SMG9: variants seen among roughly 807,000 people sequenced by gnomAD.
SMG9 encodes the protein nonsense-mediated mRNA decay factor SMG9.
In SMG9, 55 loss-of-function variants were observed where a neutral mutation model predicts 64.0. The observed-to-expected ratio is 0.86, with a 90% confidence interval of 0.69 to 1.08. SMG9 has a LOEUF of 1.08. SMG9 is among the 50% of genes least tolerant of loss of function. SMG9 has a pLI of 0.00. For synonymous variants in SMG9, 244 were observed against 254.8 expected (o/e 0.96, Z 0.41); for missense variants, 554 against 681.3 (o/e 0.81, Z 2.08).
At chr19:43,740,782 G>C (rs1330741374) in intron 6 of SMG9, among the ~76,000 whole-genome samples, 1 of 152,082 alleles carries the variant, frequency 6.6e-6, no homozygotes. Flanking sequence ...CTTGTTCCCA[G>C]CATCTTCCCC....
In SMG9 at chr19:43,731,490, C is replaced by G; in HGVS notation, c.*106G>C. Reference sequence around the variant, plus strand: ...CGGGAAGCCACGATCCCTCATCCATCAGGCCTGCTGCCGCTCTCCACCCCA... The same window carrying G: ...CGGGAAGCCACGATCCCTCATCCATGAGGCCTGCTGCCGCTCTCCACCCCA... On this transcript the variant is annotated 3_prime_UTR_variant, in exon 14 of 14. Transcript: ENST00000270066. The G allele has an allele frequency of 1.3e-6, 2 of 1,552,306 alleles. No individual in the cohort carries two copies. Among genetic ancestry groups the G allele is most frequent in the African/African-American group, 1.4e-5 (1 of 73,466 alleles).
At chr19:43,754,309 C>T (rs1174538308) in intron 1 of SMG9, 1 of 152,196 alleles carries the variant, frequency 6.6e-6, no homozygotes, top group African/African-American at 2.4e-5. Context: ...AGAAGGGAGC[C>T]TCCCCCGGAT....
rs748830253 is a variant in SMG9, at chr19:43,729,678, G to C, written c.*1918C>G. 6.5e-6 allele frequency: 1 copy of C among 152,674 alleles called. No homozygotes were observed. Among genetic ancestry groups the C allele is most frequent in the East Asian group, 1.9e-4 (1 of 5,186 alleles). The allele number at this position is 152,674 out of a possible 1,614,324, so 9.5% of individuals were successfully genotyped here. On this transcript the variant is annotated 3_prime_UTR_variant, in exon 14 of 14. Coordinates refer to ENST00000270066, the MANE Select transcript of SMG9 (RefSeq NM_019108.4). ...GCAGGAAGACCCCCTGGGGAAGCAG[G>C]GGTGGGGATGAGACTTGGGGCAGAC...
At chr19:43,748,877 A>G (rs1284598923) in intron 2 of SMG9, 1 of 505,686 alleles carries the variant, frequency 2.0e-6, no homozygotes. Context: ...AAGTGCTTCG[A>G]AAAGAAGTTT....
At chr19:43,743,105 C>T (rs1295365660) in intron 6 of SMG9, among the ~76,000 whole-genome samples, 2 of 151,744 alleles carry the variant, frequency 1.3e-5, no homozygotes, top group Non-Finnish European at 2.9e-5. Flanking sequence ...AATTAGGAGG[C>T]AAAACCTAGA....
At chr19:43,751,044 C>T (rs1048694410) in intron 1 of SMG9, among the ~76,000 whole-genome samples, 1 of 151,772 alleles carries the variant, frequency 6.6e-6, no homozygotes, top group African/African-American at 2.4e-5. Flanking sequence ...AGGCTGGTCT[C>T]GAACTCCTGA....
At position 43,744,756 on chromosome 19, in the gene SMG9, T is replaced by C. The variant is rs1968948169; in HGVS notation, c.701+16A>G. The C allele has an allele frequency of 1.3e-6, 2 of 1,595,470 alleles. No individual in the cohort carries two copies. Among genetic ancestry groups the C allele is most frequent in the Non-Finnish European group, 1.7e-6 (2 of 1,165,346 alleles). Reference sequence around the variant, plus strand: ...GTGCCCACCTCCCTCCTGCACCCTATCTGATAGCCCCTCACCTCTGGTCCT... The same window carrying C: ...GTGCCCACCTCCCTCCTGCACCCTACCTGATAGCCCCTCACCTCTGGTCCT... On this transcript the variant is annotated intron_variant, in intron 6 of 13. Coordinates refer to ENST00000270066, the MANE Select transcript of SMG9 (RefSeq NM_019108.4).
chr19:43,732,889 G>T lies in SMG9; in HGVS notation c.1453C>A (p.Leu485Met). The change falls in exon 13 of 14, where the codon CTG becomes ATG. Residue 485 changes from leucine (L) to methionine (M), a missense_variant. Physicochemically the swap from Leu to Met is conservative, Grantham distance 15 (BLOSUM62 2). Coordinates refer to ENST00000270066, the MANE Select transcript of SMG9 (RefSeq NM_019108.4). ...SQVMSMARPQ[L>M]SHTILTEKNW... Reference sequence around the variant, plus strand: ...TTCTCGGTGAGGATCGTGTGTGACAGCTGTGGCCGGGCCATGGACATCACT... The same window carrying T: ...TTCTCGGTGAGGATCGTGTGTGACATCTGTGGCCGGGCCATGGACATCACT... The T allele has an allele frequency of 6.2e-7, 1 of 1,613,930 alleles. No individual in the cohort carries two copies. Among genetic ancestry groups the T allele is most frequent in the Non-Finnish European group, 8.5e-7 (1 of 1,179,978 alleles).
chr19:43,747,903 G>A lies in SMG9; in HGVS notation c.226-6C>T. 2 of 1,613,500 alleles carry A rather than the reference G, an allele frequency of 1.2e-6. No homozygotes were observed. Among genetic ancestry groups the A allele is most frequent in the Non-Finnish European group, 1.7e-6 (2 of 1,179,730 alleles). On this transcript the variant is annotated splice_polypyrimidine_tract_variant and splice_region_variant and intron_variant, in intron 3 of 13. Coordinates refer to ENST00000270066, the MANE Select transcript of SMG9 (RefSeq NM_019108.4). ...GGAGGTGGTGGCTGTTTTGACTACG[G>A]AGGTAAAAAAAATCCCATCAATGGG...
In SMG9 at chr19:43,744,801, C is replaced by G; in HGVS notation, c.672G>C (p.Leu224Phe). The change falls in exon 6 of 14, where the codon TTG becomes TTC. Residue 224 changes from leucine (L) to phenylalanine (F), a missense_variant. By Grantham distance (22) the Leu-to-Phe change is conservative. Transcript: ENST00000270066. ...GGTCCTCCTCTGGAGTGTTGGCTGA[C>G]AACAATGACATGACCATGGACTTGC... Reference protein sequence around the residue: ...GTGKSMVMSLLSANTPEEDQR... With the variant: ...GTGKSMVMSLFSANTPEEDQR... 6.2e-7 allele frequency: 1 copy of G among 1,613,878 alleles called. No individual in the cohort carries two copies. Among genetic ancestry groups the G allele is most frequent in the Non-Finnish European group, 8.5e-7 (1 of 1,179,856 alleles).
At chr19:43,746,119 G>C (rs1011258660) in intron 5 of SMG9, among the ~76,000 whole-genome samples, 4 of 152,186 alleles carry the variant, frequency 2.6e-5, no homozygotes, top group African/African-American at 9.7e-5. Flanking sequence ...GTTGCAGTGA[G>C]CCGAGATGGT....
At chr19:43,732,739 G>A in intron 13 of SMG9, 119 bp downstream of exon 13, 1 of 1,250,382 alleles carries the variant, frequency 8.0e-7, no homozygotes, top group Non-Finnish European at 1.1e-6. Context: ...TTCCAGAAAA[G>A]GAACCTGGGA....
At chr19:43,741,823 C>A (rs1968854130) in intron 6 of SMG9, among the ~76,000 whole-genome samples, 1 of 152,044 alleles carries the variant, frequency 6.6e-6, no homozygotes, top group African/African-American at 2.4e-5. Context: ...CTAGTCTGGG[C>A]AACACAGCAA....
intron 2 of SMG9, 41 bp downstream of exon 2, chr19:43,750,551 A>G: frequency 6.3e-7 from 1 of 1,578,578 alleles, no homozygotes; most frequent in Non-Finnish European, 8.6e-7. Flanking sequence ...GCGTGGAACC[A>G]AATAGATACA....
chr19:43,746,121 C>T (rs1233856726), intron 5 of SMG9, among the ~76,000 whole-genome samples: 2 of 152,148 alleles, frequency 1.3e-5, no homozygotes, highest in Admixed American at 6.5e-5. Context: ...TGCAGTGAGC[C>T]GAGATGGTGC....
At chr19:43,749,128 G>A (rs1452669304) in intron 2 of SMG9, among the ~76,000 whole-genome samples, 3 of 152,290 alleles carry the variant, frequency 2.0e-5, no homozygotes, top group Non-Finnish European at 2.9e-5. Context: ...TTGGAATTTT[G>A]GAGCACTTCG....
At chr19:43,737,788 T>C in intron 8 of SMG9, 106 bp from the exon 9 acceptor site, 2 of 1,061,912 alleles carry the variant, frequency 1.9e-6, no homozygotes, top group East Asian at 2.5e-5. Flanking sequence ...GCAAGGAGCC[T>C]TCAAGCAGCT....
intron 6 of SMG9, among the ~76,000 whole-genome samples, chr19:43,740,943 A>T (rs1968827654): frequency 6.6e-6 from 1 of 152,190 alleles, no homozygotes; most frequent in African/African-American, 2.4e-5. Flanking sequence ...AAATCTGTAA[A>T]ATCAGGGTAA....
At chr19:43,746,340 C>A (rs1969003121) in intron 5 of SMG9, among the ~76,000 whole-genome samples, 1 of 152,222 alleles carries the variant, frequency 6.6e-6, no homozygotes, top group South Asian at 2.1e-4. Flanking sequence ...GTACTAGCCA[C>A]ATTTCAAGTG....
Sources: gnomAD v4.1 joint callset for allele counts (sites outside exome capture counted in the v4.1 genomes callset) on GRCh38, gnomAD v4.1.1 for gene constraint, MANE v1.5 for transcripts, NCBI Gene and HGNC (gene_info 2026-07-23, HGNC 2026-07-21) for gene names.